L3MBTL4: variants seen among roughly 807,000 people sequenced by gnomAD.
L3MBTL4 encodes the protein lethal(3)malignant brain tumor-like protein 4.
A neutral mutation model predicts 84.5 loss-of-function variants in L3MBTL4; 70 were observed. That is an observed-to-expected ratio of 0.83 (90% CI 0.68 to 1.01). L3MBTL4 has a LOEUF of 1.01. Ranked by LOEUF, L3MBTL4 falls within the 50% of genes least tolerant of loss-of-function variation. L3MBTL4 has a pLI of 0.00. For synonymous variants in L3MBTL4, 274 were observed against 259.8 expected, an observed-to-expected ratio of 1.05 and a Z score of -0.52; for missense variants, 715 against 754.8, an observed-to-expected ratio of 0.95 and a Z score of 0.62.
chr18:6,161,714 A>C (rs1157788044), intron 13 of L3MBTL4, among the ~76,000 whole-genome samples: 7 of 152,172 alleles, frequency 4.6e-5, no homozygotes, highest in Non-Finnish European at 8.8e-5. Flanking sequence ...CGGCGTGCTC[A>C]TCTGAGCCCG....
chr18:6,390,586 T>C (rs2055005738), intron 1 of L3MBTL4, among the ~76,000 whole-genome samples: 1 of 152,072 alleles, frequency 6.6e-6, no homozygotes, highest in South Asian at 2.1e-4. Flanking sequence ...ATTAGCTATA[T>C]TAACCAAGAA....
intron 14 of L3MBTL4, among the ~76,000 whole-genome samples, chr18:6,117,243 A>C (rs1261069227): frequency 6.6e-6 from 1 of 152,246 alleles, no homozygotes; most frequent in Non-Finnish European, 1.5e-5. Context: ...AGAGACTGGC[A>C]TGAAACAGAA....
intron 1 of L3MBTL4, among the ~76,000 whole-genome samples, chr18:6,322,256 T>C (rs1599632716): frequency 1.3e-5 from 2 of 151,670 alleles, no homozygotes; most frequent in Admixed American, 1.3e-4. Context: ...GAGGATTGCA[T>C]GAGCATTGGA....
intron 10 of L3MBTL4, among the ~76,000 whole-genome samples, chr18:6,232,979 G>A (rs1055708900): frequency 2.6e-5 from 4 of 152,082 alleles, no homozygotes; most frequent in Non-Finnish European, 5.9e-5. Context: ...CCATGATCAA[G>A]TGGGCTTCAT....
intron 16 of L3MBTL4, among the ~76,000 whole-genome samples, chr18:6,059,747 G>A (rs2057143230): frequency 6.6e-6 from 1 of 152,212 alleles, no homozygotes; most frequent in Non-Finnish European, 1.5e-5. Context: ...AGAGCTGTGA[G>A]TGGAGGTGTT....
At chr18:5,991,522 C>G (rs2053698523) in intron 16 of L3MBTL4, among the ~76,000 whole-genome samples, 2 of 152,174 alleles carry the variant, frequency 1.3e-5, no homozygotes, top group Non-Finnish European at 2.9e-5. Context: ...TTTGTCTACA[C>G]TAAAGCTGCT....
chr18:6,409,314 C>T (rs1218551548), intron 1 of L3MBTL4, among the ~76,000 whole-genome samples: 1 of 152,030 alleles, frequency 6.6e-6, no homozygotes, highest in Non-Finnish European at 1.5e-5. Context: ...ATAATAAGGA[C>T]CAAATACTAT....
chr18:6,155,889 G>A (rs1266188227), intron 13 of L3MBTL4, among the ~76,000 whole-genome samples: 4 of 151,982 alleles, frequency 2.6e-5, no homozygotes, highest in Non-Finnish European at 5.9e-5. Context: ...AAAAATACTT[G>A]ACTCTGTGTT....
At position 6,138,288 on chromosome 18, in the gene L3MBTL4, C is replaced by T. The variant is rs765829900; in HGVS notation, c.1105G>A (p.Asp369Asn). ...GCTTGACCTGGAAGGATCTTCAGGT[C>T]ATTCGTTCCTTCAGGAAGTAAAAGA... is the stretch of plus-strand genomic sequence containing the variant. Reference protein sequence around the residue: ...HPLEVPQRTNDLKILPGQAVC... With the variant: ...HPLEVPQRTNNLKILPGQAVC... Residue 369 changes from aspartate (D) to asparagine (N), a missense_variant, in exon 14 of 19, where the codon GAC (aspartate) becomes AAC (asparagine). Physicochemically the swap from Asp to Asn is conservative, Grantham distance 23 (BLOSUM62 1). Coordinates refer to ENST00000317931, the MANE Select transcript of L3MBTL4 (RefSeq NM_001330559.2). The T allele has an allele frequency of 6.2e-7, 1 of 1,608,926 alleles. No individual in the cohort carries two copies. Among genetic ancestry groups the T allele is most frequent in the South Asian group, 1.1e-5 (1 of 89,900 alleles).
At chr18:6,218,235 G>A (rs893080031) in intron 10 of L3MBTL4, among the ~76,000 whole-genome samples, 5 of 152,108 alleles carry the variant, frequency 3.3e-5, no homozygotes, top group East Asian at 1.9e-4. Context: ...TCTCACCTCC[G>A]CCTTCTGAGT....
chr18:6,214,555 T>C (rs529396762), intron 11 of L3MBTL4, among the ~76,000 whole-genome samples: 49 of 152,372 alleles, frequency 3.2e-4, no homozygotes, highest in African/African-American at 1.1e-3. Flanking sequence ...CCAACTAATA[T>C]GTCAGTAATA....
chr18:5,999,192 A>G (rs1223722060), intron 16 of L3MBTL4, among the ~76,000 whole-genome samples: 2 of 152,146 alleles, frequency 1.3e-5, no homozygotes, highest in Non-Finnish European at 2.9e-5. Flanking sequence ...TCTGCTTTTG[A>G]TTATCAAATC....
At chr18:6,064,598 G>GGT (rs2057340547) in intron 16 of L3MBTL4, among the ~76,000 whole-genome samples, 1 of 140,788 alleles carries the variant, frequency 7.1e-6, no homozygotes, top group African/African-American at 2.6e-5. Flanking sequence ...ATATTCCTAG[G>GGT]TTTTTTTTTT....
intron 1 of L3MBTL4, among the ~76,000 whole-genome samples, chr18:6,390,744 C>T (rs1425512221): frequency 6.6e-6 from 1 of 152,110 alleles, no homozygotes; most frequent in Non-Finnish European, 1.5e-5. Context: ...TGGATAAATT[C>T]TTGAAACATA....
At chr18:6,357,983 C>A (rs1470625788) in intron 1 of L3MBTL4, among the ~76,000 whole-genome samples, 1 of 152,172 alleles carries the variant, frequency 6.6e-6, no homozygotes, top group African/African-American at 2.4e-5. Flanking sequence ...TTTGACCAAG[C>A]CTTGGACAGA....
chr18:6,185,960 C>CTATTTTTTTTATTTTATTTAT (rs976327212), intron 12 of L3MBTL4, among the ~76,000 whole-genome samples: 1 of 145,786 alleles, frequency 6.9e-6, no homozygotes, highest in African/African-American at 2.7e-5. Flanking sequence ...AGGGCACTTT[C>CTATTTTTTTTATTTTATTTAT]TTTATTTTAT....
At chr18:5,970,295 G>A (rs2052576218) in intron 16 of L3MBTL4, among the ~76,000 whole-genome samples, 1 of 152,208 alleles carries the variant, frequency 6.6e-6, no homozygotes, top group South Asian at 2.1e-4. Flanking sequence ...AAAGTACAAA[G>A]GACAATGGCT....
chr18:6,340,315 A>C (rs1421997945), intron 1 of L3MBTL4, among the ~76,000 whole-genome samples: 1 of 152,160 alleles, frequency 6.6e-6, no homozygotes. Context: ...TAAGCAAAAA[A>C]ATCTGACAGT....
Position 6,405,759 on chromosome 18 carries a change from A to C in L3MBTL4, c.-91+9042T>G, listed in dbSNP as rs542955225. Among the ~76,000 whole-genome samples the C allele has an allele frequency of 6.4e-5, 9 of 140,666 alleles. No homozygotes were observed. In the East Asian group the frequency reaches 1.8e-3, roughly 28 times the overall value. The allele number at this position is 140,666 out of a possible 152,430, so 92.3% of individuals were successfully genotyped here. The stretch of plus-strand genomic sequence containing the variant: ...GAGAGAGGTCTGAGTGCCTCCTGCC[A>C]GCACCCATCACAGGTATTGAGGAAT... On this transcript the variant is annotated intron_variant, in intron 1 of 18. Transcript: ENST00000317931.
Sources: gnomAD v4.1 joint callset for allele counts (sites outside exome capture counted in the v4.1 genomes callset) on GRCh38, gnomAD v4.1.1 for gene constraint, MANE v1.5 for transcripts, NCBI Gene and HGNC (gene_info 2026-07-23, HGNC 2026-07-21) for gene names.